FSTL4: variants seen among roughly 807,000 people sequenced by gnomAD.
The protein encoded by FSTL4 is follistatin-related protein 4.
Under a neutral mutation model 78.2 loss-of-function variants are expected in FSTL4, and 28 were observed. The ratio of observed to expected loss-of-function variants is 0.36; its 90% CI spans 0.27 to 0.49. FSTL4 has a LOEUF of 0.49. FSTL4 is among the 20% of genes least tolerant of loss of function. FSTL4 has a pLI of 0.98. For missense variants in FSTL4, 922 were observed against 1,084.9 expected, an observed-to-expected ratio of 0.85 and a Z score of 2.11; for synonymous variants, 422 against 440.5, an observed-to-expected ratio of 0.96 and a Z score of 0.53.
chr5:133,687,863 G>C, the FSTL4 span, among the ~76,000 whole-genome samples: 4 of 152,326 alleles, frequency 2.6e-5, no homozygotes, highest in Middle Eastern at 3.4e-3. Context: ...AGTGTCAGGA[G>C]CCCAGACTCC....
At chr5:133,312,915 G>C in intron 5 of FSTL4, 138 bp from the exon 6 acceptor site, 1 of 742,958 alleles carries the variant, frequency 1.3e-6, no homozygotes. Context: ...CTTTGATTTT[G>C]TCTTGTCTGA....
chr5:133,256,586 T>C (rs1752387692), intron 6 of FSTL4: 1 of 152,236 alleles, frequency 6.6e-6, no homozygotes, highest in Non-Finnish European at 1.5e-5. Context: ...CTACCAGAGA[T>C]TGTCACTCTG....
intron 3 of FSTL4, among the ~76,000 whole-genome samples, chr5:133,444,290 G>A (rs1238648199): frequency 6.6e-6 from 1 of 152,230 alleles, no homozygotes; most frequent in African/African-American, 2.4e-5. Flanking sequence ...ATTTCATGAT[G>A]GTTAGAAGCA....
chr5:133,741,721 G>A, the FSTL4 span, among the ~76,000 whole-genome samples: 8 of 152,266 alleles, frequency 5.3e-5, no homozygotes, highest in South Asian at 2.1e-4. Flanking sequence ...CACACTCCCC[G>A]CACTGTGCTG....
At chr5:133,505,474 C>T (rs906432897) in intron 3 of FSTL4, among the ~76,000 whole-genome samples, 7 of 152,000 alleles carry the variant, frequency 4.6e-5, no homozygotes, top group South Asian at 2.1e-4. Flanking sequence ...CAGTAGGTGC[C>T]GAAGACAAGA....
chr5:133,579,440 A>G (rs1760355506), intron 2 of FSTL4, among the ~76,000 whole-genome samples: 1 of 152,186 alleles, frequency 6.6e-6, no homozygotes, highest in South Asian at 2.1e-4. Flanking sequence ...GAGACGCTTC[A>G]TGTCTACCAG....
intron 4 of FSTL4, among the ~76,000 whole-genome samples, chr5:133,395,167 G>A (rs187518256): frequency 1.3e-5 from 2 of 152,254 alleles, no homozygotes; most frequent in Admixed American, 1.3e-4. Flanking sequence ...AGCCAGCAGT[G>A]GCAACCTGGG....
intron 8 of FSTL4, among the ~76,000 whole-genome samples, chr5:133,232,478 T>C (rs532253767): frequency 2.0e-5 from 3 of 152,336 alleles, no homozygotes; most frequent in Non-Finnish European, 4.4e-5. Flanking sequence ...TGACCATCTG[T>C]GTCCACCAAA....
intron 3 of FSTL4, among the ~76,000 whole-genome samples, chr5:133,422,483 T>C (rs1756719372): frequency 6.6e-6 from 1 of 151,876 alleles, no homozygotes; most frequent in Non-Finnish European, 1.5e-5. Context: ...TGTGTAGGTT[T>C]GCAGCTGAAC....
chr5:133,326,376 A>G (rs1754212835), intron 4 of FSTL4, among the ~76,000 whole-genome samples: 2 of 152,166 alleles, frequency 1.3e-5, no homozygotes. Flanking sequence ...CCAAACAAAC[A>G]TGGACAGGTG....
chr5:133,824,810 C>G, the FSTL4 span, among the ~76,000 whole-genome samples: 1 of 152,156 alleles, frequency 6.6e-6, no homozygotes, highest in African/African-American at 2.4e-5. Context: ...CACCACATAC[C>G]ATGTCCAATG....
chr5:133,643,471 T>C, the FSTL4 span, among the ~76,000 whole-genome samples: 3 of 152,132 alleles, frequency 2.0e-5, no homozygotes, highest in Admixed American at 2.0e-4. Flanking sequence ...GAGGCCTTTG[T>C]CCTCCTCCAA....
chr5:133,208,911 T>C (rs1750615542), intron 14 of FSTL4, among the ~76,000 whole-genome samples: 2 of 152,230 alleles, frequency 1.3e-5, no homozygotes, highest in African/African-American at 4.8e-5. Context: ...CCTCAGGTGA[T>C]CTGCCCACCT....
the FSTL4 span, among the ~76,000 whole-genome samples, chr5:133,768,231 ACT>A: frequency 1.3e-5 from 2 of 152,044 alleles, no homozygotes; most frequent in East Asian, 3.9e-4. Context: ...GACGAATCCA[ACT>A]CTCTGCCATT....
intron 13 of FSTL4, among the ~76,000 whole-genome samples, chr5:133,212,303 G>A (rs537091479): frequency 2.4e-4 from 36 of 152,354 alleles, no homozygotes; most frequent in African/African-American, 8.4e-4. Flanking sequence ...AAGGTGGTAT[G>A]GAGCAGGAGT....
At chr5:133,382,951 T>G (rs1580665396) in intron 4 of FSTL4, among the ~76,000 whole-genome samples, 1 of 148,518 alleles carries the variant, frequency 6.7e-6, no homozygotes. Flanking sequence ...AGAAGGGGGG[T>G]GGGAGAAGGA....
intron 5 of FSTL4, among the ~76,000 whole-genome samples, chr5:133,313,855 T>C (rs1254510617): frequency 6.6e-6 from 1 of 152,206 alleles, no homozygotes; most frequent in Non-Finnish European, 1.5e-5. Flanking sequence ...TAACTTTTTA[T>C]AGGACTGACA....
chr5:133,435,817 A>G (rs1388147357), intron 3 of FSTL4, among the ~76,000 whole-genome samples: 4 of 152,252 alleles, frequency 2.6e-5, no homozygotes, highest in Non-Finnish European at 5.9e-5. Flanking sequence ...TTTTATCACC[A>G]TAAAATGGCA....
At chr5:133,300,362 T>C (rs1017613842) in intron 6 of FSTL4, among the ~76,000 whole-genome samples, 1 of 152,022 alleles carries the variant, frequency 6.6e-6, no homozygotes. Flanking sequence ...AGATGCTGAG[T>C]TATTTAACCT....
Sources: gnomAD v4.1 joint callset for allele counts (sites outside exome capture counted in the v4.1 genomes callset) on GRCh38, gnomAD v4.1.1 for gene constraint, MANE v1.5 for transcripts, NCBI Gene and HGNC (gene_info 2026-07-23, HGNC 2026-07-21) for gene names.